The following TMPRSS11F variants were observed in gnomAD, a reference collection of about 807,000 sequenced individuals.
TMPRSS11F encodes transmembrane serine protease 11F, also known as transmembrane protease serine 11F.
A neutral mutation model predicts 60.2 loss-of-function variants in TMPRSS11F; 47 were observed. The observed-to-expected ratio is 0.78, with a 90% confidence interval of 0.62 to 1.00. The LOEUF (loss-of-function observed/expected upper bound fraction) is 1.00. TMPRSS11F is among the 50% of genes least tolerant of loss of function. The pLI, the probability that TMPRSS11F is intolerant of heterozygous loss-of-function variation, is 0.00. For synonymous variants in TMPRSS11F, 166 were observed against 167.3 expected, an observed-to-expected ratio of 0.99 and a Z score of 0.06; for missense variants, 519 against 522.9, an observed-to-expected ratio of 0.99 and a Z score of 0.07.
At chr4:68,067,874 T>G (rs1356462065) in intron 7 of TMPRSS11F, among the ~76,000 whole-genome samples, 1 of 152,154 alleles carries the variant, frequency 6.6e-6, no homozygotes, top group South Asian at 2.1e-4. Flanking sequence ...GAGTTTTGTC[T>G]TTGAGAGTTT....
chr4:68,106,768 G>T (rs998191782), intron 1 of TMPRSS11F, among the ~76,000 whole-genome samples: 2 of 152,024 alleles, frequency 1.3e-5, no homozygotes, highest in African/African-American at 4.8e-5. Flanking sequence ...TCTGTACATG[G>T]GGGAAAATAT....
Position 68,098,928 on chromosome 4 carries a change from A to G in TMPRSS11F, c.122T>C (p.Ile41Thr). The change falls in exon 2 of 10, where the codon ATA (isoleucine) becomes ACA (threonine). Residue 41 changes from isoleucine (I) to threonine (T), a missense_variant. By Grantham distance (89) the Ile-to-Thr change is moderately conservative. Coordinates refer to ENST00000356291, the MANE Select transcript of TMPRSS11F (RefSeq NM_207407.2). Reference protein sequence around the residue: ...ALFTLAIVAIIGIAIGIVTHF... With the variant: ...ALFTLAIVAITGIAIGIVTHF... Reference sequence around the variant, plus strand: ...AGTAACAATACCAATTGCAATTCCTATGATTGCTACAATTGCTAATGTGAA... The same window carrying G: ...AGTAACAATACCAATTGCAATTCCTGTGATTGCTACAATTGCTAATGTGAA... The G allele has an allele frequency of 6.2e-7, 1 of 1,612,730 alleles. No homozygotes were observed. The highest frequency in any genetic ancestry group is 1.1e-5 in the South Asian group (1 of 90,864).
intron 1 of TMPRSS11F, among the ~76,000 whole-genome samples, chr4:68,117,154 A>G (rs1248062856): frequency 2.0e-5 from 3 of 151,990 alleles, no homozygotes; most frequent in Non-Finnish European, 2.9e-5. Flanking sequence ...ATAGCAAAAG[A>G]CCAAATAATC....
chr4:68,063,400 T>A (rs1723245671), intron 8 of TMPRSS11F: 1 of 379,612 alleles, frequency 2.6e-6, no homozygotes, highest in Non-Finnish European at 5.1e-6. Context: ...TGTTTTGAGA[T>A]GGAGTCTTGC....
chr4:68,071,838 TG>T (rs1424527675), intron 5 of TMPRSS11F, among the ~76,000 whole-genome samples: 1 of 152,156 alleles, frequency 6.6e-6, no homozygotes, highest in Non-Finnish European at 1.5e-5. Context: ...TTCATGTCAC[TG>T]GCTCTTCCTA....
chr4:68,062,044 A>G (rs571640869), intron 8 of TMPRSS11F: 1 of 452,316 alleles, frequency 2.2e-6, no homozygotes, highest in Non-Finnish European at 4.4e-6. Context: ...TTTCAATGTG[A>G]CTGAAACCCT....
At chr4:68,112,224 G>A (rs929200455) in intron 1 of TMPRSS11F, among the ~76,000 whole-genome samples, 1 of 152,092 alleles carries the variant, frequency 6.6e-6, no homozygotes, top group Non-Finnish European at 1.5e-5. Context: ...CTACTGAACT[G>A]TCTTTGAGCC....
intron 5 of TMPRSS11F, 97 bp downstream of exon 5, chr4:68,072,226 A>T (rs796381762): frequency 0.04 from 3,136 of 77,522 alleles, 736 homozygotes; most frequent in East Asian, 0.062. Context: ...TCTTCCAAAA[A>T]AAAAATATAT....
intron 2 of TMPRSS11F, 121 bp downstream of exon 2, chr4:68,098,766 A>C: frequency 1.1e-6 from 1 of 890,126 alleles, no homozygotes. Flanking sequence ...ATTTAACATC[A>C]GTAAAAGACT....
At chr4:68,061,958 G>C (rs1430509311) in intron 8 of TMPRSS11F, 7 of 444,632 alleles carry the variant, frequency 1.6e-5, no homozygotes, top group Non-Finnish European at 2.7e-5. Context: ...TCTGCACTTA[G>C]ATTTAGTGCT....
At chr4:68,096,434 C>T (rs544553509) in intron 2 of TMPRSS11F, among the ~76,000 whole-genome samples, 13 of 152,166 alleles carry the variant, frequency 8.5e-5, no homozygotes, top group African/African-American at 2.6e-4. Context: ...TAAAATGATA[C>T]CCAAGTAGCA....
chr4:68,085,277 A>G (rs1189111328), intron 3 of TMPRSS11F, among the ~76,000 whole-genome samples: 1 of 151,364 alleles, frequency 6.6e-6, no homozygotes. Context: ...GTCAAATGGT[A>G]TCTCTAGTTC....
At chr4:68,059,507 T>C (rs748982669) in intron 8 of TMPRSS11F, 39 bp from the exon 9 acceptor site, 178 of 1,591,898 alleles carry the variant, frequency 1.1e-4, no homozygotes, top group Non-Finnish European at 1.5e-4. Context: ...TAAACAGTAT[T>C]CCTCAAATAC....
chr4:68,074,089 C>G lies in TMPRSS11F; in HGVS notation c.283-80G>C, dbSNP rs1723536781. 11 of 884,974 alleles carry G rather than the reference C, an allele frequency of 1.2e-5. No individual in the cohort carries two copies. In the South Asian group the frequency reaches 2.3e-4, roughly 18 times the overall value. 54.8% of individuals were successfully genotyped at this position (884,974 alleles called of 1,614,324 possible). Reference sequence around the variant, plus strand: ...ATAATTTTTTAAAAGAAGTATTAGTCTTAAGAAAAGTGTTATTCCTTGTCT... The same window carrying G: ...ATAATTTTTTAAAAGAAGTATTAGTGTTAAGAAAAGTGTTATTCCTTGTCT... On this transcript the variant is annotated intron_variant, in intron 3 of 9. Transcript: ENST00000356291.
intron 8 of TMPRSS11F, among the ~76,000 whole-genome samples, chr4:68,064,138 C>T (rs1411631427): frequency 1.3e-5 from 2 of 150,884 alleles, no homozygotes; most frequent in Non-Finnish European, 3.0e-5. Context: ...TTTTTTTCCA[C>T]CGCTCTAGTT....
At chr4:68,062,240 C>T (rs1254624757) in intron 8 of TMPRSS11F, 5 of 408,808 alleles carry the variant, frequency 1.2e-5, no homozygotes, top group Non-Finnish European at 1.4e-5. Flanking sequence ...ATAAAATTAC[C>T]GGCTCTTTTG....
At chr4:68,077,373 T>C (rs1290381725) in intron 3 of TMPRSS11F, 1 of 152,218 alleles carries the variant, frequency 6.6e-6, no homozygotes, top group African/African-American at 2.4e-5. Context: ...CAAGAGTGCA[T>C]TAAGGCCCAC....
chr4:68,072,238 T>TATATATATATAG, intron 5 of TMPRSS11F, 85 bp downstream of exon 5: 1 of 143,408 alleles, frequency 7.0e-6, no homozygotes, highest in Non-Finnish European at 1.4e-5. Flanking sequence ...AAAATATATA[T>TATATATATATAG]ATATATATAT....
At chr4:68,097,141 C>T (rs1724090255) in intron 2 of TMPRSS11F, among the ~76,000 whole-genome samples, 1 of 152,184 alleles carries the variant, frequency 6.6e-6, no homozygotes, top group South Asian at 2.1e-4. Flanking sequence ...GGAGATAGAA[C>T]ACTCAAATCC....
Sources: gnomAD v4.1 joint callset for allele counts (sites outside exome capture counted in the v4.1 genomes callset) on GRCh38, gnomAD v4.1.1 for gene constraint, MANE v1.5 for transcripts, NCBI Gene and HGNC (gene_info 2026-07-23, HGNC 2026-07-21) for gene names.